SNAPC3: variants seen among roughly 807,000 people sequenced by gnomAD.
SNAPC3 encodes the protein snRNA-activating protein complex subunit 3.
A neutral mutation model predicts 47.7 loss-of-function variants in SNAPC3; 56 were observed. That is an observed-to-expected ratio of 1.18 (90% confidence interval 0.95 to 1.47). The LOEUF (loss-of-function observed/expected upper bound fraction) is 1.47, where lower values mean the gene tolerates loss of function less well. Among genes scored for constraint, SNAPC3 ranks in the 40% most tolerant of loss-of-function variants. The probability of loss-of-function intolerance (pLI) is 0.00; values close to 1 mark genes in which losing one functional copy is unlikely to be tolerated. For missense variants in SNAPC3, 665 were observed against 511.3 expected, an observed-to-expected ratio of 1.30 and a Z score of -2.90; for synonymous variants, 235 against 189.9, an observed-to-expected ratio of 1.24 and a Z score of -1.95.
In SNAPC3 at chr9:15,453,039, A is replaced by G. The variant is rs2034509898; in HGVS notation, c.816-2A>G. Reference sequence around the variant, plus strand: ...ATATATCCTTGCCTTTTCCCCCCTCAGAACTATCATTGAGTGGTCAGAGTC... The same window carrying G: ...ATATATCCTTGCCTTTTCCCCCCTCGGAACTATCATTGAGTGGTCAGAGTC... On this transcript the variant is annotated splice_acceptor_variant, in intron 6 of 8. Coordinates refer to ENST00000380821, the MANE Select transcript of SNAPC3 (RefSeq NM_001039697.2). LOFTEE classifies it high-confidence loss of function. The G allele has an allele frequency of 6.2e-7, 1 of 1,606,908 alleles. No individual in the cohort carries two copies. Among genetic ancestry groups the G allele is most frequent in the Non-Finnish European group, 8.5e-7 (1 of 1,177,458 alleles).
intron 7 of SNAPC3, among the ~76,000 whole-genome samples, chr9:15,456,437 ATTTG>A (rs963337924): frequency 6.6e-6 from 1 of 152,128 alleles, no homozygotes; most frequent in African/African-American, 2.4e-5. Flanking sequence ...AAGAAACATG[ATTTG>A]TTTGAGTGTC....
intron 4 of SNAPC3, among the ~76,000 whole-genome samples, chr9:15,446,218 T>A (rs1354767492): frequency 6.6e-6 from 1 of 152,156 alleles, no homozygotes; most frequent in African/African-American, 2.4e-5. Flanking sequence ...GGGATTTTTG[T>A]TGGTTTGTTT....
intron 7 of SNAPC3, chr9:15,453,412 A>G: frequency 2.2e-6 from 1 of 448,874 alleles, no homozygotes; most frequent in East Asian, 3.5e-5. Context: ...TTATTTTGGA[A>G]AATCTTTAAG....
Position 15,423,130 on chromosome 9 carries a change from C to T in SNAPC3, c.251C>T (p.Ala84Val). 6.4e-7 allele frequency: 1 copy of T among 1,555,520 alleles called. No homozygotes were observed. The highest frequency in any genetic ancestry group is 2.2e-5 in the Admixed American group (1 of 45,364). ...SQAADSDRED[A>V]AVARDLDCSL... The stretch of plus-strand genomic sequence containing the variant: ...GCAGCTGACTCCGACCGGGAGGATG[C>T]CGCGGTGGCCAGGGATCTGGACTGC... Residue 84 changes from alanine (A) to valine (V), a missense_variant, in exon 1 of 9, where the codon GCC (alanine) becomes GTC (valine). Ala to Val is a moderately conservative substitution (Grantham distance 64). Transcript: ENST00000380821.
rs1422205351 is a variant in SNAPC3, at chr9:15,423,909, C to A, written c.315C>A (p.Gly105=). The change falls in exon 2 of 9, where the codon GGC becomes GGA. Residue 105 remains glycine, a splice_region_variant and synonymous_variant. Transcript: ENST00000380821. ...GTATTGCTTTTCCTTTTTGTTTTAG[C>A]CTTGATAAACTGAAATGCCTTGAGG... is the stretch of plus-strand genomic sequence containing the variant. ...EAAAELRAVC[G]LDKLKCLEDG... is the part of the protein sequence containing the mutation. 11 of 1,553,754 alleles carry A rather than the reference C, an allele frequency of 7.1e-6. No individual in the cohort carries two copies. Among genetic ancestry groups the A allele is most frequent in the Non-Finnish European group, 9.6e-6 (11 of 1,150,832 alleles).
At chr9:15,425,394 A>AT (rs1229024081) in intron 2 of SNAPC3, among the ~76,000 whole-genome samples, 2 of 151,746 alleles carry the variant, frequency 1.3e-5, no homozygotes, top group African/African-American at 4.8e-5. Flanking sequence ...ACTTTTTTGC[A>AT]TTTTTTGTAG....
intron 5 of SNAPC3, 78 bp downstream of exon 5, chr9:15,447,322 T>C: frequency 7.7e-7 from 1 of 1,294,534 alleles, no homozygotes; most frequent in Non-Finnish European, 1.1e-6. Context: ...GGTTCATAAA[T>C]GTCCCAGTAA....
intron 3 of SNAPC3, among the ~76,000 whole-genome samples, chr9:15,438,633 A>T (rs2033042604): frequency 6.6e-6 from 1 of 151,888 alleles, no homozygotes; most frequent in Admixed American, 6.6e-5. Flanking sequence ...CTATGCTGTG[A>T]TTTTTGTCGA....
At position 15,422,902 on chromosome 9, in the gene SNAPC3, G is replaced by C. The variant is rs757300418; in HGVS notation, c.23G>C (p.Gly8Ala). 7.8e-6 allele frequency: 12 copies of C among 1,535,522 alleles called. No individual in the cohort carries two copies. The Admixed American group carries it at 2.6e-4, about 33-fold the overall frequency. ...AACATGGCTGAAGGAAGCCGAGGTG[G>C]CCCTACGTGTAGCGGGGTGGGTGGC... The part of the protein sequence containing the change: MAEGSRG[G>A]PTCSGVGGRQ... Residue 8 changes from glycine to alanine, a missense_variant, in exon 1 of 9, where the codon GGC becomes GCC. Physicochemically the swap from Gly to Ala is moderately conservative, Grantham distance 60 (BLOSUM62 0). Coordinates refer to ENST00000380821, the MANE Select transcript of SNAPC3 (RefSeq NM_001039697.2).
downstream of SNAPC3, chr9:15,463,457 A>G (rs560810508): frequency 6.6e-5 from 9 of 137,400 alleles, no homozygotes; most frequent in South Asian, 2.4e-3. Flanking sequence ...AGCCCAAAAG[A>G]GGTGTTAAAA....
chr9:15,451,413 CA>C lies in SNAPC3; in HGVS notation c.815+16del. On this transcript the variant is annotated intron_variant, in intron 6 of 8. Coordinates refer to ENST00000380821, the MANE Select transcript of SNAPC3 (RefSeq NM_001039697.2). Reference sequence around the variant, plus strand: ...CAGAGATTTGAGCAGGTATAGTTTCCAAAAATCTTCTCAAAGTCTTTCCTAT... The same window carrying C: ...CAGAGATTTGAGCAGGTATAGTTTCCAAAATCTTCTCAAAGTCTTTCCTAT... 1 of 1,313,320 alleles carries C rather than the reference CA, an allele frequency of 7.6e-7. No individual in the cohort carries two copies. The highest frequency in any genetic ancestry group is 1.1e-6 in the Non-Finnish European group (1 of 940,166). The allele number at this position is 1,313,320 out of a possible 1,614,324, so 81.4% of individuals were successfully genotyped here.
chr9:15,438,904 A>T (rs79848839), intron 3 of SNAPC3, among the ~76,000 whole-genome samples: 6,413 of 152,112 alleles, frequency 0.042, 452 homozygotes, highest in African/African-American at 0.15. Context: ...TTGATCTTCT[A>T]TCTAGTTGTT....
At chr9:15,443,174 AGG>A (rs754851429) in intron 3 of SNAPC3, among the ~76,000 whole-genome samples, 1 of 152,082 alleles carries the variant, frequency 6.6e-6, no homozygotes, top group Non-Finnish European at 1.5e-5. Context: ...AGAGAGGGAG[AGG>A]GAGACCGTGG....
intron 3 of SNAPC3, among the ~76,000 whole-genome samples, chr9:15,442,134 G>T (rs534188968): frequency 6.7e-6 from 1 of 149,986 alleles, no homozygotes; most frequent in South Asian, 2.1e-4. Flanking sequence ...CCTCCGGGAC[G>T]GGGCGGCTGG....
intron 3 of SNAPC3, among the ~76,000 whole-genome samples, chr9:15,441,543 C>T (rs2033383630): frequency 1.3e-5 from 2 of 151,532 alleles, no homozygotes; most frequent in Non-Finnish European, 2.9e-5. Context: ...GACCCTGCGG[C>T]CTTCTGCAGT....
chr9:15,440,109 T>G (rs931818963), intron 3 of SNAPC3, among the ~76,000 whole-genome samples: 1 of 152,200 alleles, frequency 6.6e-6, no homozygotes, highest in African/African-American at 2.4e-5. Context: ...GATTATGTCT[T>G]TATATATTGT....
chr9:15,428,715 A>C (rs1315001161), intron 2 of SNAPC3, among the ~76,000 whole-genome samples: 1 of 152,166 alleles, frequency 6.6e-6, no homozygotes, highest in Non-Finnish European at 1.5e-5. Context: ...CAATTACCTC[A>C]TAAGTGAATA....
At chr9:15,443,940 G>C (rs1012357756) in intron 3 of SNAPC3, among the ~76,000 whole-genome samples, 1 of 152,166 alleles carries the variant, frequency 6.6e-6, no homozygotes, top group African/African-American at 2.4e-5. Flanking sequence ...TTCCCAAATA[G>C]TTTATTCCAG....
chr9:15,452,555 C>T (rs143838242), intron 6 of SNAPC3, among the ~76,000 whole-genome samples: 40 of 151,770 alleles, frequency 2.6e-4, no homozygotes, highest in African/African-American at 8.5e-4. Flanking sequence ...GGACCTCAAG[C>T]GATCCGCCCA....
Sources: gnomAD v4.1 joint callset for allele counts (sites outside exome capture counted in the v4.1 genomes callset) on GRCh38, gnomAD v4.1.1 for gene constraint, MANE v1.5 for transcripts, NCBI Gene and HGNC (gene_info 2026-07-23, HGNC 2026-07-21) for gene names.